Variants in RBPMS2 observed in about 807,000 individuals in gnomAD.
RBPMS2 encodes the protein RNA-binding protein with multiple splicing 2.
RBPMS2 carries 14 observed loss-of-function variants against 25.7 expected under a neutral mutation model. The observed-to-expected ratio is 0.55, with a 90% CI of 0.36 to 0.85. The LOEUF is 0.85. RBPMS2 is among the 40% of genes least tolerant of loss of function. The probability of loss-of-function intolerance (pLI) is 0.01; values close to 1 mark genes in which losing one functional copy is unlikely to be tolerated. For missense variants in RBPMS2, 252 were observed against 283.4 expected (o/e 0.89, Z 0.80); for synonymous variants, 127 against 115.6 (o/e 1.10, Z -0.63).
chr15:64,760,041 T>A (rs1433710305), intron 1 of RBPMS2, among the ~76,000 whole-genome samples: 1 of 152,214 alleles, frequency 6.6e-6, no homozygotes, highest in African/African-American at 2.4e-5. Context: ...TGGGCAGACC[T>A]GGCATTCAAG....
At position 64,740,973 on chromosome 15, in the gene RBPMS2, A is replaced by G. The variant is rs1354772734; in HGVS notation, c.*35T>C. The stretch of plus-strand genomic sequence containing the variant: ...GCCTGTCCCGGCACCACCACAGATT[A>G]CCAGAACCACCTCCCCGGTGACCAG... On this transcript the variant is annotated 3_prime_UTR_variant, in exon 8 of 8. Coordinates refer to ENST00000300069, the MANE Select transcript of RBPMS2 (RefSeq NM_194272.3). 77 of 521,280 alleles carry G rather than the reference A, an allele frequency of 1.5e-4. 1 individual carries two copies. The South Asian group carries it at 1.7e-3, about 12-fold the overall frequency. The allele number at this position is 521,280 out of a possible 1,614,324, so 32.3% of individuals were successfully genotyped here. A position where few individuals can be genotyped will look rare whatever the true frequency, so the allele number is the denominator to read the frequency against.
At chr15:64,752,209 AT>A (rs1440766905) in intron 1 of RBPMS2, among the ~76,000 whole-genome samples, 1 of 152,072 alleles carries the variant, frequency 6.6e-6, no homozygotes, top group African/African-American at 2.4e-5. Context: ...AAAAATGTAC[AT>A]GTAAAAATGT....
chr15:64,748,857 G>A, intron 5 of RBPMS2, 143 bp downstream of exon 5: 1 of 919,436 alleles, frequency 1.1e-6, no homozygotes, highest in Non-Finnish European at 1.6e-6. Flanking sequence ...GGCTGCAGGG[G>A]AGGGAGGAAA....
chr15:64,764,895 GTGA>G (rs1426784532), intron 1 of RBPMS2, among the ~76,000 whole-genome samples: 5 of 142,410 alleles, frequency 3.5e-5, no homozygotes, highest in South Asian at 4.5e-4. Flanking sequence ...TCTAGCCTGG[GTGA>G]CAACAGAGTG....
chr15:64,771,159 T>C (rs1312252741), intron 1 of RBPMS2, among the ~76,000 whole-genome samples: 1 of 152,234 alleles, frequency 6.6e-6, no homozygotes, highest in East Asian at 1.9e-4. Context: ...TGCCCCCCAG[T>C]TAAAAATTAC....
chr15:64,756,143 C>G (rs1183470329), intron 1 of RBPMS2, among the ~76,000 whole-genome samples: 3 of 152,194 alleles, frequency 2.0e-5, no homozygotes, highest in African/African-American at 7.2e-5. Flanking sequence ...TCCCCCATCT[C>G]TACACACCTC....
At chr15:64,760,120 G>C (rs750361113) in intron 1 of RBPMS2, among the ~76,000 whole-genome samples, 2 of 152,222 alleles carry the variant, frequency 1.3e-5, no homozygotes, top group Non-Finnish European at 2.9e-5. Context: ...GGCACACACA[G>C]GGCCCAGCTC....
chr15:64,761,222 C>T (rs1476235511), intron 1 of RBPMS2: 2 of 152,146 alleles, frequency 1.3e-5, no homozygotes, highest in Non-Finnish European at 2.9e-5. Flanking sequence ...GAAAACACTA[C>T]TTTGGGAAGG....
At chr15:64,762,510 A>G (rs373550098) in intron 1 of RBPMS2, 10 of 534,704 alleles carry the variant, frequency 1.9e-5, no homozygotes, top group African/African-American at 1.7e-4. Context: ...CCCAGATCTG[A>G]TCTGGCTTCC....
chr15:64,744,798 G>GTTGTTTTTTTTTTTTTT (rs2083601378), intron 6 of RBPMS2, among the ~76,000 whole-genome samples: 3 of 46,290 alleles, frequency 6.5e-5, no homozygotes, highest in African/African-American at 2.2e-4. Flanking sequence ...GGTTTGTTTT[G>GTTGTTTTTTTTTTTTTT]TTTTTTTTTT....
intron 1 of RBPMS2, among the ~76,000 whole-genome samples, chr15:64,770,622 G>T (rs1249206688): frequency 6.6e-6 from 1 of 152,110 alleles, no homozygotes; most frequent in Admixed American, 6.6e-5. Context: ...CAGAAACAGA[G>T]AAGCCTCCAT....
chr15:64,761,855 C>T (rs1282482561), intron 1 of RBPMS2, among the ~76,000 whole-genome samples: 1 of 151,866 alleles, frequency 6.6e-6, no homozygotes, highest in Non-Finnish European at 1.5e-5. Context: ...ATTATAGGCA[C>T]CCACCACCAT....
chr15:64,757,764 A>G (rs116613965), intron 1 of RBPMS2, among the ~76,000 whole-genome samples: 1,920 of 152,102 alleles, frequency 0.013, 30 homozygotes, highest in African/African-American at 0.045. Flanking sequence ...GGAAACATTC[A>G]GGAACAGGCT....
intron 1 of RBPMS2, 87 bp downstream of exon 1, chr15:64,775,146 C>T: frequency 1.3e-6 from 1 of 747,180 alleles, no homozygotes; most frequent in Admixed American, 4.8e-5. Flanking sequence ...CACCCCGGCC[C>T]CGCGAGGCGC....
intron 6 of RBPMS2, among the ~76,000 whole-genome samples, chr15:64,742,382 G>A (rs939002669): frequency 7.2e-5 from 11 of 152,200 alleles, no homozygotes; most frequent in African/African-American, 2.7e-4. Flanking sequence ...GCAGCTATCT[G>A]AGATCATCCT....
At chr15:64,767,100 TTC>T (rs1491576850) in intron 1 of RBPMS2, among the ~76,000 whole-genome samples, 2 of 152,196 alleles carry the variant, frequency 1.3e-5, no homozygotes, top group East Asian at 3.9e-4. Flanking sequence ...TACTTTTTTT[TTC>T]TCTCTTTTTT....
At chr15:64,762,322 T>A in intron 1 of RBPMS2, 2 of 517,422 alleles carry the variant, frequency 3.9e-6, no homozygotes, top group South Asian at 2.8e-5. Flanking sequence ...TGAGTGTGAG[T>A]GGCCTTGTGC....
At chr15:64,745,210 C>T (rs142358656) in intron 6 of RBPMS2, among the ~76,000 whole-genome samples, 21 of 152,246 alleles carry the variant, frequency 1.4e-4, no homozygotes, top group African/African-American at 5.1e-4. Context: ...AACTACCTAT[C>T]GAACTGAAGA....
At chr15:64,754,248 G>A (rs918999563) in intron 1 of RBPMS2, among the ~76,000 whole-genome samples, 4 of 152,094 alleles carry the variant, frequency 2.6e-5, no homozygotes, top group Admixed American at 6.6e-5. Flanking sequence ...GGAGGCAGAG[G>A]TTGTGGTGAG....
Sources: allele counts gnomAD v4.1 joint callset (sites outside exome capture counted in the v4.1 genomes callset), GRCh38; gene constraint gnomAD v4.1.1; transcripts MANE v1.5; gene names NCBI Gene and HGNC (gene_info 2026-07-23, HGNC 2026-07-21).